TUSC3: variants seen among roughly 807,000 people sequenced by gnomAD.
TUSC3 encodes the protein dolichyl-diphosphooligosaccharide--protein glycosyltransferase subunit TUSC3.
TUSC3 carries 45 observed loss-of-function variants against 44.8 expected under a neutral mutation model. The ratio of observed to expected loss-of-function variants is 1.00; its 90% CI spans 0.79 to 1.29. The LOEUF is 1.29. Among genes scored for constraint, TUSC3 ranks in the 50% most tolerant of loss-of-function variants. The probability of loss-of-function intolerance (pLI) is 0.00; values close to 1 mark genes in which losing one functional copy is unlikely to be tolerated. For synonymous variants in TUSC3, 212 were observed against 152.9 expected (o/e 1.39, Z -2.85); for missense variants, 519 against 437.9 (o/e 1.19, Z -1.65).
At chr8:15,506,079 C>T (rs1801046961) in intron 2 of TUSC3, among the ~76,000 whole-genome samples, 1 of 152,134 alleles carries the variant, frequency 6.6e-6, no homozygotes, top group South Asian at 2.1e-4. Flanking sequence ...TGTAAACCTG[C>T]CTTGACGGGA....
At chr8:15,806,270 GA>G in the TUSC3 span, 1 of 618,954 alleles carries the variant, frequency 1.6e-6, no homozygotes, top group South Asian at 1.6e-5. Context: ...GCAGTCTGGG[GA>G]TGTTCTCATT....
At chr8:15,569,960 A>G (rs1470461292) in intron 1 of TUSC3, among the ~76,000 whole-genome samples, 3 of 152,142 alleles carry the variant, frequency 2.0e-5, no homozygotes, top group African/African-American at 7.2e-5. Flanking sequence ...TTCATCGCTT[A>G]AGAGGCAATT....
At chr8:15,568,684 C>T (rs1328727251) in intron 1 of TUSC3, among the ~76,000 whole-genome samples, 1 of 150,794 alleles carries the variant, frequency 6.6e-6, no homozygotes. Flanking sequence ...CGCACTGCAA[C>T]TTCCATCTGC....
At chr8:15,759,470 A>G (rs1812079931) in intron 10 of TUSC3, among the ~76,000 whole-genome samples, 1 of 152,086 alleles carries the variant, frequency 6.6e-6, no homozygotes, top group African/African-American at 2.4e-5. Flanking sequence ...AGATGGAGTC[A>G]TTAATTCAAG....
intron 7 of TUSC3, among the ~76,000 whole-genome samples, chr8:15,740,690 A>G (rs1811154673): frequency 6.6e-6 from 1 of 152,132 alleles, no homozygotes; most frequent in African/African-American, 2.4e-5. Context: ...GAAAACTTGA[A>G]CTAACATTGC....
At chr8:15,523,971 A>G (rs1353631087) in intron 2 of TUSC3, among the ~76,000 whole-genome samples, 1 of 150,166 alleles carries the variant, frequency 6.7e-6, no homozygotes, top group Non-Finnish European at 1.5e-5. Context: ...CAGGAGAATC[A>G]CTTGAACCCA....
In TUSC3 at chr8:15,677,955, G is replaced by T. The variant is rs144569967; in HGVS notation, c.798+4119G>T. 5.2e-3 allele frequency among the ~76,000 whole-genome samples: 785 copies of T among 152,332 alleles called. 8 individuals are homozygous for T. The highest frequency in any genetic ancestry group is 0.018 in the African/African-American group (747 of 41,574). On this transcript the variant is annotated intron_variant, in intron 6 of 10. Transcript: ENST00000503731. The stretch of plus-strand genomic sequence containing the variant: ...GAAGTCCTTTCAGAACAGATCCAAA[G>T]ACAGTGATTTAAGTGAAAGAAGTTC...
At chr8:15,570,812 C>T (rs984120349) in intron 1 of TUSC3, among the ~76,000 whole-genome samples, 1 of 151,902 alleles carries the variant, frequency 6.6e-6, no homozygotes, top group Non-Finnish European at 1.5e-5. Flanking sequence ...CAGTGCTTCT[C>T]ATACTGAAAG....
chr8:15,528,018 T>G (rs1259837309), intron 2 of TUSC3, among the ~76,000 whole-genome samples: 2 of 152,202 alleles, frequency 1.3e-5, no homozygotes, highest in Non-Finnish European at 2.9e-5. Context: ...AGATAAATAT[T>G]CTTTGACATA....
chr8:15,832,930 A>T, the TUSC3 span, among the ~76,000 whole-genome samples: 1 of 152,164 alleles, frequency 6.6e-6, no homozygotes, highest in Non-Finnish European at 1.5e-5. Flanking sequence ...GATTAAATGG[A>T]TGTGATAGAT....
At chr8:15,806,837 T>A in the TUSC3 span, 6 of 956,940 alleles carry the variant, frequency 6.3e-6, no homozygotes, top group South Asian at 1.4e-5. Flanking sequence ...TCCTACAAAG[T>A]AAACGTCTAG....
At chr8:15,769,458 C>A (rs933747549), downstream of TUSC3, among the ~76,000 whole-genome samples, 8 of 152,094 alleles carry the variant, frequency 5.3e-5, no homozygotes, top group Non-Finnish European at 7.4e-5. Context: ...AATGTTAAGA[C>A]CTAAAACCTT....
At chr8:15,577,890 T>A (rs1803178317) in intron 1 of TUSC3, among the ~76,000 whole-genome samples, 1 of 150,964 alleles carries the variant, frequency 6.6e-6, no homozygotes, top group Non-Finnish European at 1.5e-5. Flanking sequence ...ATTGAATCTG[T>A]AAATTACCTT....
intron 1 of TUSC3, among the ~76,000 whole-genome samples, chr8:15,428,210 A>C (rs1373183065): frequency 6.8e-6 from 1 of 146,140 alleles, no homozygotes; most frequent in Non-Finnish European, 1.5e-5. Flanking sequence ...ATGAGTGAGA[A>C]CATGTGGTGT....
chr8:15,809,209 G>C, the TUSC3 span, among the ~76,000 whole-genome samples: 1 of 152,118 alleles, frequency 6.6e-6, no homozygotes, highest in African/African-American at 2.4e-5. Context: ...GCAGATATCT[G>C]GGCACCAGTG....
downstream of TUSC3, among the ~76,000 whole-genome samples, chr8:15,768,524 C>T (rs1211193597): frequency 5.9e-5 from 9 of 152,090 alleles, no homozygotes; most frequent in East Asian, 1.7e-3. Flanking sequence ...TGTCTTCAAC[C>T]TACTCAAAGA....
intron 6 of TUSC3, among the ~76,000 whole-genome samples, chr8:15,690,549 A>C (rs1325680893): frequency 6.6e-6 from 1 of 151,976 alleles, no homozygotes; most frequent in Non-Finnish European, 1.5e-5. Flanking sequence ...AGTTGCTTTG[A>C]GTGTCTTCAT....
intron 5 of TUSC3, among the ~76,000 whole-genome samples, chr8:15,669,897 G>A (rs2129182326): frequency 6.6e-6 from 1 of 151,554 alleles, no homozygotes; most frequent in African/African-American, 2.4e-5. Flanking sequence ...CAGATGATTT[G>A]ATTTTGTACA....
intron 1 of TUSC3, among the ~76,000 whole-genome samples, chr8:15,443,439 T>C (rs551315470): frequency 1.3e-5 from 2 of 151,748 alleles, no homozygotes; most frequent in Non-Finnish European, 2.9e-5. Context: ...GCTCGAGTGA[T>C]CTGCCTGCCT....
Sources: gnomAD v4.1 joint callset for allele counts (sites outside exome capture counted in the v4.1 genomes callset) on GRCh38, gnomAD v4.1.1 for gene constraint, MANE v1.5 for transcripts, NCBI Gene and HGNC (gene_info 2026-07-23, HGNC 2026-07-21) for gene names.